Variants in ZFPM2 observed in about 807,000 individuals in gnomAD.
ZFPM2 encodes zinc finger protein, FOG family member 2.
In ZFPM2, 20 loss-of-function variants were observed where a neutral mutation model predicts 98.6. That is an observed-to-expected ratio of 0.20 (90% CI 0.14 to 0.29). The LOEUF (loss-of-function observed/expected upper bound fraction) is 0.29, where lower values mean the gene tolerates loss of function less well. Among genes scored for constraint, ZFPM2 ranks in the 10% least tolerant of loss-of-function variants. ZFPM2 has a pLI of 1.00. For synonymous variants in ZFPM2, 518 were observed against 502.7 expected, an observed-to-expected ratio of 1.03 and a Z score of -0.41; for missense variants, 1,310 against 1,388.6, an observed-to-expected ratio of 0.94 and a Z score of 0.90.
intron 4 of ZFPM2, chr8:105,616,700 G>A (rs1451870646): frequency 1.0e-5 from 4 of 383,964 alleles, no homozygotes; most frequent in African/African-American, 8.5e-5. Flanking sequence ...CCAACGGACA[G>A]AGAAGTTGTC....
intron 2 of ZFPM2, among the ~76,000 whole-genome samples, chr8:105,428,017 A>G (rs1346712971): frequency 6.6e-6 from 1 of 152,210 alleles, no homozygotes; most frequent in Non-Finnish European, 1.5e-5. Context: ...AGGCTCAGCA[A>G]CTTGGCCAAA....
intron 2 of ZFPM2, among the ~76,000 whole-genome samples, chr8:105,433,647 C>T (rs551562149): frequency 1.7e-3 from 261 of 152,086 alleles, no homozygotes; most frequent in African/African-American, 5.9e-3. Context: ...ATTAGCTGGG[C>T]GTGGTGGCGG....
At chr8:105,347,690 C>T (rs1261410950) in intron 1 of ZFPM2, among the ~76,000 whole-genome samples, 3 of 152,088 alleles carry the variant, frequency 2.0e-5, no homozygotes, top group South Asian at 2.1e-4. Flanking sequence ...TTGGCCCTAC[C>T]GCACAGTTGG....
chr8:105,330,617 T>TATATATACACAC (rs1563606955), intron 1 of ZFPM2, among the ~76,000 whole-genome samples: 2 of 58,870 alleles, frequency 3.4e-5, no homozygotes, highest in African/African-American at 1.0e-4. Flanking sequence ...TATACACATA[T>TATATATACACAC]ATATATATAT....
intron 5 of ZFPM2, among the ~76,000 whole-genome samples, chr8:105,731,151 A>G (rs1392141966): frequency 6.6e-6 from 1 of 151,728 alleles, no homozygotes; most frequent in African/African-American, 2.4e-5. Flanking sequence ...TCATGGGGCA[A>G]ACTCCAGTGA....
At chr8:105,472,486 C>G (rs1375078543) in intron 3 of ZFPM2, among the ~76,000 whole-genome samples, 3 of 152,056 alleles carry the variant, frequency 2.0e-5, no homozygotes, top group Non-Finnish European at 4.4e-5. Context: ...TCTGAACACT[C>G]CTTGTGTTTT....
intron 5 of ZFPM2, among the ~76,000 whole-genome samples, chr8:105,646,714 C>T (rs1358773483): frequency 6.6e-6 from 1 of 152,148 alleles, no homozygotes; most frequent in African/African-American, 2.4e-5. Flanking sequence ...GCATGCTTAA[C>T]TTCTCCCAAG....
At chr8:105,499,008 A>G (rs1399128889) in intron 3 of ZFPM2, among the ~76,000 whole-genome samples, 1 of 152,186 alleles carries the variant, frequency 6.6e-6, no homozygotes, top group Non-Finnish European at 1.5e-5. Context: ...GTGTAAGAAA[A>G]GAGACTTCTC....
chr8:105,330,395 C>A (rs1805488018), intron 1 of ZFPM2, among the ~76,000 whole-genome samples: 1 of 150,652 alleles, frequency 6.6e-6, no homozygotes, highest in South Asian at 2.1e-4. Flanking sequence ...TGAAGTGGTA[C>A]TCATGATAAG....
At chr8:105,542,290 C>T (rs1814592247) in intron 3 of ZFPM2, among the ~76,000 whole-genome samples, 1 of 152,068 alleles carries the variant, frequency 6.6e-6, no homozygotes, top group African/African-American at 2.4e-5. Context: ...TATTTCTCCC[C>T]TTTGAATTGT....
chr8:105,432,233 A>G (rs1812035349), intron 2 of ZFPM2, among the ~76,000 whole-genome samples: 1 of 152,224 alleles, frequency 6.6e-6, no homozygotes, highest in Non-Finnish European at 1.5e-5. Context: ...GAGAAAATGG[A>G]AGAGGAAGAT....
intron 3 of ZFPM2, among the ~76,000 whole-genome samples, chr8:105,523,620 A>C (rs1486790073): frequency 6.6e-6 from 1 of 152,070 alleles, no homozygotes; most frequent in Non-Finnish European, 1.5e-5. Flanking sequence ...TCTCTGCTCT[A>C]TTGCATCTGT....
At chr8:105,747,754 G>A (rs1812381675) in intron 5 of ZFPM2, among the ~76,000 whole-genome samples, 1 of 152,036 alleles carries the variant, frequency 6.6e-6, no homozygotes. Context: ...AAATATACTA[G>A]TGTGGAAACA....
At chr8:105,454,608 A>G (rs1353082619) in intron 3 of ZFPM2, among the ~76,000 whole-genome samples, 2 of 152,162 alleles carry the variant, frequency 1.3e-5, no homozygotes, top group Non-Finnish European at 2.9e-5. Context: ...ACTTTTCCCT[A>G]ATAATTATTG....
chr8:105,582,633 G>A (rs1354805149), intron 4 of ZFPM2, among the ~76,000 whole-genome samples: 1 of 152,100 alleles, frequency 6.6e-6, no homozygotes, highest in Admixed American at 6.6e-5. Context: ...CTCACTCTGT[G>A]CCCAGGCCAG....
At chr8:105,671,436 T>C (rs1817591772) in intron 5 of ZFPM2, among the ~76,000 whole-genome samples, 1 of 151,934 alleles carries the variant, frequency 6.6e-6, no homozygotes, top group South Asian at 2.1e-4. Context: ...CTACAACATC[T>C]CGTGTTGTTT....
chr8:105,504,294 C>T (rs1365448015), intron 3 of ZFPM2, among the ~76,000 whole-genome samples: 2 of 152,134 alleles, frequency 1.3e-5, no homozygotes, highest in Non-Finnish European at 2.9e-5. Context: ...TAAGCAGCAG[C>T]AGGAGCAGAG....
chr8:105,549,129 T>G (rs61095982), intron 3 of ZFPM2, among the ~76,000 whole-genome samples: 4,216 of 152,216 alleles, frequency 0.028, 200 homozygotes, highest in African/African-American at 0.096. Flanking sequence ...ATATCAGCTT[T>G]CCTTCCTTCA....
chr8:105,418,904 G>A (rs1189250005), intron 1 of ZFPM2: 1 of 581,308 alleles, frequency 1.7e-6, no homozygotes, highest in Non-Finnish European at 3.1e-6. Context: ...GGACGCAATG[G>A]AGATGCAGGT....
Sources: gnomAD v4.1 joint callset for allele counts (sites outside exome capture counted in the v4.1 genomes callset) on GRCh38, gnomAD v4.1.1 for gene constraint, MANE v1.5 for transcripts, NCBI Gene and HGNC (gene_info 2026-07-23, HGNC 2026-07-21) for gene names.